The following OR2M3 variants were observed in gnomAD, a reference collection of about 807,000 sequenced individuals.
The protein encoded by OR2M3 is olfactory receptor 2M3.
In OR2M3, 1 loss-of-function variant was observed where a neutral mutation model predicts 4.3. That is an observed-to-expected ratio of 0.23 (90% confidence interval 0.08 to 1.11). OR2M3 has a LOEUF of 1.11. Ranked by LOEUF, OR2M3 falls within the 50% of genes most tolerant of loss-of-function variation. OR2M3 has a pLI of 0.54. For synonymous variants in OR2M3, 151 were observed against 139.4 expected (o/e 1.08, Z -0.59); for missense variants, 410 against 390.4 (o/e 1.05, Z -0.42).
rs985389968 is a variant in OR2M3 at position 248,205,247 on chromosome 1, T to G, written c.*1241T>G. ...TTTCTCCCACTCTATGGGTTGTCTATTTACTCTGCTGACCGTTCCTTTTGC... is the reference window on the plus strand; with the variant it reads ...TTTCTCCCACTCTATGGGTTGTCTAGTTACTCTGCTGACCGTTCCTTTTGC... On this transcript the variant is annotated 3_prime_UTR_variant, in exon 2 of 2. Coordinates refer to ENST00000641626, the MANE Select transcript of OR2M3 (RefSeq NM_001004689.2). The G allele has an allele frequency of 3.9e-5, 6 of 152,118 alleles. No homozygotes were observed. The highest frequency in any genetic ancestry group is 1.2e-4 in the African/African-American group (5 of 41,422). The allele number at this position is 152,118 out of a possible 1,614,324, so 9.4% of individuals were successfully genotyped here.
At position 248,211,823 on chromosome 1, in the gene OR2M3, A is replaced by G. The variant is rs1056880658; in HGVS notation, c.*7817A>G. 1 of 152,210 alleles carries G rather than the reference A, an allele frequency of 6.6e-6. No homozygotes were observed. Among genetic ancestry groups the G allele is most frequent in the African/African-American group, 2.4e-5 (1 of 41,456 alleles). The allele number at this position is 152,210 out of a possible 1,614,324, so 9.4% of individuals were successfully genotyped here. ...TTTTCAGTAGAGATGGGGTTTTGCC[A>G]TAAAATAAAATTGTAATAACTCTAT... On this transcript the variant is annotated 3_prime_UTR_variant, in exon 2 of 2. Transcript: ENST00000641626.
In OR2M3 at chr1:248,204,031, G is replaced by T. The variant is rs368240118; in HGVS notation, c.*25G>T. On this transcript the variant is annotated 3_prime_UTR_variant, in exon 2 of 2. Coordinates refer to ENST00000641626, the MANE Select transcript of OR2M3 (RefSeq NM_001004689.2). ...AGTTACCTAATAAACTTCATGTTTT[G>T]CTGTGTGCTAAATCCTTTTTTTAAA... 2 of 1,611,304 alleles carry T rather than the reference G, an allele frequency of 1.2e-6. No individual in the cohort carries two copies. Among genetic ancestry groups the T allele is most frequent in the African/African-American group, 1.3e-5 (1 of 74,776 alleles).
At position 248,211,325 on chromosome 1, in the gene OR2M3, A is replaced by T. The variant is rs112902084; in HGVS notation, c.*7319A>T. 1 of 152,086 alleles carries T rather than the reference A, an allele frequency of 6.6e-6. No individual in the cohort carries two copies. The highest frequency in any genetic ancestry group is 1.5e-5 in the Non-Finnish European group (1 of 68,006). 9.4% of individuals were successfully genotyped at this position (152,086 alleles called of 1,614,324 possible). On this transcript the variant is annotated 3_prime_UTR_variant, in exon 2 of 2. Coordinates refer to ENST00000641626, the MANE Select transcript of OR2M3 (RefSeq NM_001004689.2). ...AATTTCTTTCAAGTTGTTAAAATTC[A>T]TCTAAGCTTCACACACTGATCCAAC... is the stretch of plus-strand genomic sequence containing the variant.
At position 248,205,732 on chromosome 1, in the gene OR2M3, C is replaced by T. The variant is rs1269266359; in HGVS notation, c.*1726C>T. On this transcript the variant is annotated 3_prime_UTR_variant, in exon 2 of 2. Transcript: ENST00000641626. Reference sequence around the variant, plus strand: ...ATTTGAAGTTGGGTATGTGGTGCCTCCAGATTTGTTCTTTTTGCTTATTCT... The same window carrying T: ...ATTTGAAGTTGGGTATGTGGTGCCTTCAGATTTGTTCTTTTTGCTTATTCT... 6.6e-6 allele frequency: 1 copy of T among 151,974 alleles called. No homozygotes were observed. Among genetic ancestry groups the T allele is most frequent in the East Asian group, 1.9e-4 (1 of 5,184 alleles). The allele number at this position is 151,974 out of a possible 1,614,324, so 9.4% of individuals were successfully genotyped here. A position where few individuals can be genotyped will look rare whatever the true frequency, so the allele number is the denominator to read the frequency against.
intron 1 of OR2M3, among the ~76,000 whole-genome samples, chr1:248,198,649 C>T (rs1351350242): frequency 6.6e-6 from 1 of 152,098 alleles, no homozygotes; most frequent in Non-Finnish European, 1.5e-5. Flanking sequence ...TCATCTCCCT[C>T]AGTGACTTCT....
At position 248,209,703 on chromosome 1, in the gene OR2M3, G is replaced by C. The variant is rs1345206813; in HGVS notation, c.*5697G>C. ...TTCCTGCTCCAGTCGATGTAGCAGG[G>C]GAGTGAAAGGAACTCTGCTAGGGTC... On this transcript the variant is annotated 3_prime_UTR_variant, in exon 2 of 2. Transcript: ENST00000641626. 1 of 152,232 alleles carries C rather than the reference G, an allele frequency of 6.6e-6. No individual in the cohort carries two copies. The highest frequency in any genetic ancestry group is 1.5e-5 in the Non-Finnish European group (1 of 68,100). The allele number at this position is 152,232 out of a possible 1,614,324, so 9.4% of individuals were successfully genotyped here.
rs1245555089 is a variant in OR2M3, at chr1:248,207,850, A to G, written c.*3844A>G. 6.6e-6 allele frequency: 1 copy of G among 151,856 alleles called. No homozygotes were observed. The highest frequency in any genetic ancestry group is 1.9e-4 in the East Asian group (1 of 5,184). The allele number at this position is 151,856 out of a possible 1,614,324, so 9.4% of individuals were successfully genotyped here. On this transcript the variant is annotated 3_prime_UTR_variant, in exon 2 of 2. Coordinates refer to ENST00000641626, the MANE Select transcript of OR2M3 (RefSeq NM_001004689.2). ...TTCTTGTAGCATATAGTTTAAGTGCATTGTTTCTTTTTTTACTTTCTGTCT... is the reference window on the plus strand; with the variant it reads ...TTCTTGTAGCATATAGTTTAAGTGCGTTGTTTCTTTTTTTACTTTCTGTCT...
Position 248,210,720 on chromosome 1 carries a change from G to A in OR2M3, c.*6714G>A, listed in dbSNP as rs2103016193. 6.6e-6 allele frequency: 1 copy of A among 152,128 alleles called. No individual in the cohort carries two copies. The highest frequency in any genetic ancestry group is 1.9e-4 in the East Asian group (1 of 5,164). 9.4% of individuals were successfully genotyped at this position (152,128 alleles called of 1,614,324 possible). ...GTTCTTTGTAATTCTCCCCACCCTT[G>A]AGAGTGTACTTTGTGAGATCCACCA... is the stretch of plus-strand genomic sequence containing the variant. On this transcript the variant is annotated 3_prime_UTR_variant, in exon 2 of 2. Transcript: ENST00000641626.
At position 248,210,969 on chromosome 1, in the gene OR2M3, C is replaced by G. The variant is rs1354796518; in HGVS notation, c.*6963C>G. 1 of 152,188 alleles carries G rather than the reference C, an allele frequency of 6.6e-6. No individual in the cohort carries two copies. The highest frequency in any genetic ancestry group is 2.4e-5 in the African/African-American group (1 of 41,436). 9.4% of individuals were successfully genotyped at this position (152,188 alleles called of 1,614,324 possible). On this transcript the variant is annotated 3_prime_UTR_variant, in exon 2 of 2. Transcript: ENST00000641626. ...GAGTGGGAGCTGCAAGCTAGTCCTG[C>G]CTCCTATCCACCATCTTAATCCTAG...
At chr1:248,201,945 G>A (rs933551357) in intron 1 of OR2M3, among the ~76,000 whole-genome samples, 3 of 152,238 alleles carry the variant, frequency 2.0e-5, no homozygotes, top group Middle Eastern at 3.4e-3. Flanking sequence ...GGCTTCATAA[G>A]TGTGGTTGGA....
In OR2M3 at chr1:248,205,559, C is replaced by T. The variant is rs1666215595; in HGVS notation, c.*1553C>T. On this transcript the variant is annotated 3_prime_UTR_variant, in exon 2 of 2. Coordinates refer to ENST00000641626, the MANE Select transcript of OR2M3 (RefSeq NM_001004689.2). ...TTTGTTGAATATGGTGTTCTTTCCC[C>T]CACTTCATGTTTTTGTTTGTGTTGT... 6.6e-6 allele frequency: 1 copy of T among 152,020 alleles called. No homozygotes were observed. Among genetic ancestry groups the T allele is most frequent in the Non-Finnish European group, 1.5e-5 (1 of 67,984 alleles). 9.4% of individuals were successfully genotyped at this position (152,020 alleles called of 1,614,324 possible). A position where few individuals can be genotyped will look rare whatever the true frequency, so the allele number is the denominator to read the frequency against.
In OR2M3 at chr1:248,203,555, C is replaced by G. The variant is rs1355182264; in HGVS notation, c.488C>G (p.Thr163Arg). Residue 163 changes from threonine to arginine, a missense_variant, in exon 2 of 2, where the codon ACA (threonine) becomes AGA (arginine). By Grantham distance (71) the Thr-to-Arg change is moderately conservative (BLOSUM62 -1). Coordinates refer to ENST00000641626, the MANE Select transcript of OR2M3 (RefSeq NM_001004689.2). Reference sequence around the variant, plus strand: ...GATGGAATTATTGATGTTGTAGCAACATTTTCCTTCTCCTACTGTGGGTCT... The same window carrying G: ...GATGGAATTATTGATGTTGTAGCAAGATTTTCCTTCTCCTACTGTGGGTCT... ...STDGIIDVVA[T>R]FSFSYCGSRE... 9 of 1,613,660 alleles carry G rather than the reference C, an allele frequency of 5.6e-6. No homozygotes were observed. Among genetic ancestry groups the G allele is most frequent in the Non-Finnish European group, 7.6e-6 (9 of 1,179,828 alleles).
At position 248,207,332 on chromosome 1, in the gene OR2M3, C is replaced by A. The variant is rs1416510797; in HGVS notation, c.*3326C>A. 1 of 151,522 alleles carries A rather than the reference C, an allele frequency of 6.6e-6. No homozygotes were observed. The highest frequency in any genetic ancestry group is 2.4e-5 in the African/African-American group (1 of 41,246). The allele number at this position is 151,522 out of a possible 1,614,324, so 9.4% of individuals were successfully genotyped here. ...AGTTCTGCTCTGATCTTCATTATTT[C>A]TTTTCTTCTTCTGGGTTTGGGTTTG... On this transcript the variant is annotated 3_prime_UTR_variant, in exon 2 of 2. Transcript: ENST00000641626.
chr1:248,201,270 G>A (rs1666153658), intron 1 of OR2M3, among the ~76,000 whole-genome samples: 1 of 151,690 alleles, frequency 6.6e-6, no homozygotes. Flanking sequence ...ATTCCTATTT[G>A]GATAACCCTT....
rs1666199303 is a variant in OR2M3 at position 248,204,208 on chromosome 1, A to G, written c.*202A>G. 2 of 442,094 alleles carry G rather than the reference A, an allele frequency of 4.5e-6. No homozygotes were observed. Among genetic ancestry groups the G allele is most frequent in the Non-Finnish European group, 7.8e-6 (2 of 256,094 alleles). 27.4% of individuals were successfully genotyped at this position (442,094 alleles called of 1,614,324 possible). ...TTCATTTCTGCTATGACCACAATGT[A>G]AGTCATTTCCAATAAGAATATTAAA... On this transcript the variant is annotated 3_prime_UTR_variant, in exon 2 of 2. Coordinates refer to ENST00000641626, the MANE Select transcript of OR2M3 (RefSeq NM_001004689.2).
chr1:248,212,048 A>C lies in OR2M3; in HGVS notation c.*8042A>C, dbSNP rs1666287882. On this transcript the variant is annotated 3_prime_UTR_variant, in exon 2 of 2. Transcript: ENST00000641626. ...CCAGTCTTTGAAGTCCTTTTAAAGA[A>C]AATCATGTCCAGCATATAGATTAAG... The C allele has an allele frequency of 6.6e-6, 1 of 152,228 alleles. No homozygotes were observed. Among genetic ancestry groups the C allele is most frequent in the Non-Finnish European group, 1.5e-5 (1 of 68,030 alleles). 9.4% of individuals were successfully genotyped at this position (152,228 alleles called of 1,614,324 possible).
chr1:248,201,822 CTT>C (rs1163853692), intron 1 of OR2M3, among the ~76,000 whole-genome samples: 2 of 152,112 alleles, frequency 1.3e-5, no homozygotes, highest in African/African-American at 4.8e-5. Flanking sequence ...CATTTATCCT[CTT>C]ATAACATAAA....
chr1:248,203,916 C>T lies in OR2M3; in HGVS notation c.849C>T (p.Pro283=), dbSNP rs1163467590. 6.2e-7 allele frequency: 1 copy of T among 1,613,916 alleles called. No homozygotes were observed. ...CTGTATTCTACACCATCCTCACTCC[C>T]ATGTTGAATCCCCTCATCTACAGCC... ...MVSVFYTILT[P]MLNPLIYSLR... The change falls in exon 2 of 2, where the codon CCC becomes CCT. Residue 283 remains proline (P), a synonymous_variant. Coordinates refer to ENST00000641626, the MANE Select transcript of OR2M3 (RefSeq NM_001004689.2).
In OR2M3 at chr1:248,203,196, T is replaced by C; in HGVS notation, c.129T>C (p.Ser43=). The part of the protein sequence containing the change: ...AIFSVAFMGN[S]VMVLLIYLDT... Reference sequence around the variant, plus strand: ...TTTCAGTGGCCTTCATGGGAAACTCTGTCATGGTTCTCCTCATCTACCTGG... The same window carrying C: ...TTTCAGTGGCCTTCATGGGAAACTCCGTCATGGTTCTCCTCATCTACCTGG... Residue 43 remains serine (S), a synonymous_variant, in exon 2 of 2, where the codon TCT becomes TCC. Coordinates refer to ENST00000641626, the MANE Select transcript of OR2M3 (RefSeq NM_001004689.2). 1.2e-6 allele frequency: 2 copies of C among 1,614,062 alleles called. No individual in the cohort carries two copies. The highest frequency in any genetic ancestry group is 1.1e-5 in the South Asian group (1 of 91,076).
Sources: gnomAD v4.1 joint callset for allele counts (sites outside exome capture counted in the v4.1 genomes callset) on GRCh38, gnomAD v4.1.1 for gene constraint, MANE v1.5 for transcripts, NCBI Gene and HGNC (gene_info 2026-07-23, HGNC 2026-07-21) for gene names.